UBE2E2: variants seen among roughly 807,000 people sequenced by gnomAD.
UBE2E2 encodes the protein ubiquitin conjugating enzyme E2 E2, also known as ubiquitin-conjugating enzyme E2 E2.
UBE2E2 carries 6 observed loss-of-function variants against 24.7 expected under a neutral mutation model. The ratio of observed to expected loss-of-function variants is 0.24; its 90% confidence interval spans 0.13 to 0.48. UBE2E2 has a LOEUF of 0.48. UBE2E2 is among the 20% of genes least tolerant of loss of function. The pLI, the probability that UBE2E2 is intolerant of heterozygous loss-of-function variation, is 0.99. For synonymous variants in UBE2E2, 104 were observed against 83.6 expected (o/e 1.24, Z -1.33); for missense variants, 169 against 245.0 (o/e 0.69, Z 2.07).
intron 3 of UBE2E2, among the ~76,000 whole-genome samples, chr3:23,266,500 C>T (rs1698053743): frequency 6.6e-6 from 1 of 152,120 alleles, no homozygotes; most frequent in Non-Finnish European, 1.5e-5. Context: ...AGAGTTTCTG[C>T]CGAGAGATCA....
chr3:23,208,833 T>C lies in UBE2E2; in HGVS notation c.134T>C (p.Ile45Thr). The stretch of plus-strand genomic sequence containing the variant: ...CAGCCCAAGAAAAAGGAGGGAAAAA[T>C]ATCCAGCAAAACCGCTGCTAAATTG... ...QVQPKKKEGK[I>T]SSKTAAKLST... Residue 45 changes from isoleucine (I) to threonine (T), a missense_variant, in exon 2 of 6, where the codon ATA (isoleucine) becomes ACA (threonine). By Grantham distance (89) the Ile-to-Thr change is moderately conservative (BLOSUM62 -1). Around this residue, in one of 2 missense-constraint regions of UBE2E2, gnomAD observed 64 missense variants for 64.3 expected, o/e 1.00. Transcript: ENST00000396703. 1 of 1,613,130 alleles carries C rather than the reference T, an allele frequency of 6.2e-7. No homozygotes were observed. Among genetic ancestry groups the C allele is most frequent in the Non-Finnish European group, 8.5e-7 (1 of 1,179,514 alleles).
At chr3:23,305,175 G>T (rs1699206454) in intron 3 of UBE2E2, among the ~76,000 whole-genome samples, 1 of 152,058 alleles carries the variant, frequency 6.6e-6, no homozygotes, top group African/African-American at 2.4e-5. Flanking sequence ...GGAAAGTCTT[G>T]TTCAGTCATT....
intron 3 of UBE2E2, among the ~76,000 whole-genome samples, chr3:23,458,687 G>A (rs1328250219): frequency 6.6e-6 from 1 of 152,060 alleles, no homozygotes; most frequent in East Asian, 1.9e-4. Context: ...AAAGTGCTAG[G>A]ATTACAGGTG....
intron 5 of UBE2E2, among the ~76,000 whole-genome samples, chr3:23,550,826 T>A (rs1474319315): frequency 6.6e-6 from 1 of 152,048 alleles, no homozygotes; most frequent in African/African-American, 2.4e-5. Context: ...GATAGGAGTT[T>A]GGGAAGATCA....
chr3:23,496,446 T>C (rs1699604564), intron 3 of UBE2E2, among the ~76,000 whole-genome samples: 1 of 152,192 alleles, frequency 6.6e-6, no homozygotes, highest in African/African-American at 2.4e-5. Context: ...AACTTTTTTC[T>C]TACTGGTTTT....
chr3:23,286,814 TTA>T, intron 3 of UBE2E2, among the ~76,000 whole-genome samples: 1 of 152,150 alleles, frequency 6.6e-6, no homozygotes, highest in East Asian at 1.9e-4. Flanking sequence ...CCTTTTCAGT[TTA>T]TTTCACCAGT....
intron 3 of UBE2E2, among the ~76,000 whole-genome samples, chr3:23,249,746 T>C (rs6795584): frequency 0.72 from 108,733 of 151,496 alleles, 40,287 homozygotes; most frequent in African/African-American, 0.9. Flanking sequence ...AGCTCTGCTT[T>C]CTGGGTTCAT....
At chr3:23,453,005 C>A (rs7610906) in intron 3 of UBE2E2, among the ~76,000 whole-genome samples, 59,599 of 152,026 alleles carry the variant, frequency 0.39, 12,521 homozygotes, top group African/African-American at 0.54. Flanking sequence ...TGCTTAGACT[C>A]TATGTCCCAT....
intron 3 of UBE2E2, among the ~76,000 whole-genome samples, chr3:23,421,639 C>T (rs1318542497): frequency 6.6e-6 from 1 of 152,198 alleles, no homozygotes; most frequent in African/African-American, 2.4e-5. Context: ...AACTCCTGAC[C>T]TCATGACCCG....
intron 3 of UBE2E2, among the ~76,000 whole-genome samples, chr3:23,269,287 T>G (rs547067200): frequency 4.5e-4 from 68 of 152,188 alleles, no homozygotes; most frequent in African/African-American, 1.6e-3. Flanking sequence ...GGGAGAAAAT[T>G]TTCACAACCT....
At chr3:23,541,344 A>G (rs892043526) in intron 5 of UBE2E2, among the ~76,000 whole-genome samples, 5 of 152,248 alleles carry the variant, frequency 3.3e-5, no homozygotes, top group Non-Finnish European at 7.3e-5. Context: ...CAGAAAAGAA[A>G]GCGCTTCCAA....
intron 5 of UBE2E2, among the ~76,000 whole-genome samples, chr3:23,566,716 G>T (rs567730969): frequency 1.3e-5 from 2 of 152,240 alleles, no homozygotes; most frequent in South Asian, 2.1e-4. Flanking sequence ...TGAGGGAAGA[G>T]CACTGAGCCG....
chr3:23,374,169 A>G (rs567569985), intron 3 of UBE2E2, among the ~76,000 whole-genome samples: 1 of 152,316 alleles, frequency 6.6e-6, no homozygotes, highest in Non-Finnish European at 1.5e-5. Flanking sequence ...TAATAAAATT[A>G]CATGTTTAAA....
intron 3 of UBE2E2, among the ~76,000 whole-genome samples, chr3:23,256,930 T>C (rs990572763): frequency 4.6e-5 from 7 of 152,232 alleles, no homozygotes; most frequent in African/African-American, 1.4e-4. Context: ...CTAACCTGCC[T>C]GCATGTTTTG....
chr3:23,474,070 T>A lies in UBE2E2; in HGVS notation c.228-25538T>A, dbSNP rs146371826. On this transcript the variant is annotated intron_variant, in intron 3 of 5. Transcript: ENST00000396703. The surrounding 1 kb of genome is among the most constrained non-coding windows in gnomAD (Gnocchi z 4.0). ...CGCATCTATGCCAACATATATATAT[T>A]TTTTTATTTTTTTGCGGGAGTAAGA... Among the ~76,000 whole-genome samples, 69 of 152,136 alleles carry A rather than the reference T, an allele frequency of 4.5e-4. No homozygotes were observed. The highest frequency in any genetic ancestry group is 1.6e-3 in the African/African-American group (65 of 41,436).
At chr3:23,329,108 TG>T (rs1252514626) in intron 3 of UBE2E2, among the ~76,000 whole-genome samples, 4 of 152,238 alleles carry the variant, frequency 2.6e-5, no homozygotes, top group Non-Finnish European at 5.9e-5. Context: ...ACAAAATTTT[TG>T]TTGAACATTT....
At chr3:23,356,938 C>T (rs970148789) in intron 3 of UBE2E2, among the ~76,000 whole-genome samples, 1 of 152,234 alleles carries the variant, frequency 6.6e-6, no homozygotes, top group African/African-American at 2.4e-5. Flanking sequence ...CACAGATACA[C>T]TGTGTAACTG....
intron 4 of UBE2E2, among the ~76,000 whole-genome samples, chr3:23,511,938 A>G (rs535327400): frequency 1.3e-5 from 2 of 152,310 alleles, no homozygotes; most frequent in Admixed American, 6.5e-5. Context: ...TCTGCAGGGC[A>G]ATGGACTAAA....
At chr3:23,301,385 G>A (rs1699084247) in intron 3 of UBE2E2, among the ~76,000 whole-genome samples, 1 of 152,126 alleles carries the variant, frequency 6.6e-6, no homozygotes, top group African/African-American at 2.4e-5. Flanking sequence ...CACTTTTTCT[G>A]CTCTGTTATT....
Sources: gnomAD v4.1 joint callset for allele counts (sites outside exome capture counted in the v4.1 genomes callset) on GRCh38, gnomAD v4.1.1 for gene constraint, gnomAD v4.1.1 regional missense constraint, Gnocchi (gnomAD v3.1) non-coding constraint, MANE v1.5 for transcripts, NCBI Gene and HGNC (gene_info 2026-07-23, HGNC 2026-07-21) for gene names.